Variants in SYNE4 observed in about 807,000 individuals in gnomAD.
SYNE4 encodes the protein spectrin repeat containing nuclear envelope family member 4, also known as nesprin-4.
Under a neutral mutation model 46.9 loss-of-function variants are expected in SYNE4, and 41 were observed. The ratio of observed to expected loss-of-function variants is 0.87; its 90% confidence interval spans 0.68 to 1.13. The LOEUF (loss-of-function observed/expected upper bound fraction) is 1.13, where lower values mean the gene tolerates loss of function less well. Among genes scored for constraint, SYNE4 ranks in the 50% most tolerant of loss-of-function variants. The pLI, the probability that SYNE4 is intolerant of heterozygous loss-of-function variation, is 0.00. For missense variants in SYNE4, 492 were observed against 514.8 expected, an observed-to-expected ratio of 0.96 and a Z score of 0.43; for synonymous variants, 221 against 219.5, an observed-to-expected ratio of 1.01 and a Z score of -0.06.
intron 6 of SYNE4, among the ~76,000 whole-genome samples, chr19:36,004,101 T>A (rs1331080601): frequency 6.6e-6 from 1 of 152,030 alleles, no homozygotes; most frequent in Non-Finnish European, 1.5e-5. Context: ...CCCAACCTCC[T>A]GGGCTCAGGT....
chr19:36,004,925 TG>T (rs1467534732), intron 6 of SYNE4, among the ~76,000 whole-genome samples: 1 of 138,790 alleles, frequency 7.2e-6, no homozygotes, highest in Non-Finnish European at 1.5e-5. Flanking sequence ...TTGCTCAGAC[TG>T]GAGTGCAGTG....
intron 5 of SYNE4, 55 bp downstream of exon 5, chr19:36,006,368 C>T (rs1413080738): frequency 1.3e-5 from 20 of 1,534,168 alleles, no homozygotes; most frequent in African/African-American, 6.9e-5. Context: ...AGAAGGTGCG[C>T]AGAGATGTCC....
Position 36,003,402 on chromosome 19 carries a change from G to C in SYNE4, c.1150C>G (p.His384Asp). 1 of 1,614,136 alleles carries C rather than the reference G, an allele frequency of 6.2e-7. No homozygotes were observed. Among genetic ancestry groups the C allele is most frequent in the Non-Finnish European group, 8.5e-7 (1 of 1,180,016 alleles). The change falls in exon 8 of 8, where the codon CAT (histidine) becomes GAT (aspartate). Residue 384 changes from histidine to aspartate, a missense_variant. Physicochemically the swap from His to Asp is moderately conservative, Grantham distance 81 (BLOSUM62 -1). Transcript: ENST00000324444. ...LPASGGPCCS[H>D]ARIPRTPYLV... ...TAGGGTGTCCTGGGTATTCGGGCAT[G>C]AGAGCAGCAGGGGCCTCCTGACGCG...
chr19:36,005,288 C>G (rs1465302293), intron 6 of SYNE4, 45 bp downstream of exon 6: 1 of 1,574,804 alleles, frequency 6.3e-7, no homozygotes, highest in Non-Finnish European at 8.7e-7. Flanking sequence ...CTGTCACTTG[C>G]CATCAAGATT....
chr19:36,007,705 C>CATCTCTA (rs1462271982), intron 2 of SYNE4: 2 of 489,202 alleles, frequency 4.1e-6, no homozygotes, highest in African/African-American at 4.2e-5. Flanking sequence ...GGTGAGACAT[C>CATCTCTA]ATCTCTACTT....
chr19:36,006,539 G>A lies in SYNE4; in HGVS notation c.751C>T (p.Pro251Ser). 1.2e-6 allele frequency: 2 copies of A among 1,607,164 alleles called. No individual in the cohort carries two copies. The highest frequency in any genetic ancestry group is 1.7e-6 in the Non-Finnish European group (2 of 1,176,704). The change falls in exon 5 of 8, where the codon CCG becomes TCG. Residue 251 changes from proline (P) to serine (S), a missense_variant. Physicochemically the swap from Pro to Ser is moderately conservative, Grantham distance 74. Coordinates refer to ENST00000324444, the MANE Select transcript of SYNE4 (RefSeq NM_001039876.3). Reference protein sequence around the residue: ...LPTSTELEWDPAGDIGGLGPL... With the variant: ...LPTSTELEWDSAGDIGGLGPL... ...CCAAGGCCCCCAATGTCCCCCGCCGGATCCCACTCCAACTCTGTGGAAGTG... is the reference window on the plus strand; with the variant it reads ...CCAAGGCCCCCAATGTCCCCCGCCGAATCCCACTCCAACTCTGTGGAAGTG...
At position 36,006,891 on chromosome 19, in the gene SYNE4, C is replaced by A; in HGVS notation, c.477G>T (p.Ala159=). 1 of 1,560,498 alleles carries A rather than the reference C, an allele frequency of 6.4e-7. No homozygotes were observed. The change falls in exon 4 of 8, where the codon GCG becomes GCT. Residue 159 remains alanine, a synonymous_variant. Transcript: ENST00000324444. ...GAAERVEALL[A]FGEGLAQRSE... Reference sequence around the variant, plus strand: ...TCCGCTGTGCCAGCCCCTCACCAAACGCTAGCAGCGCCTCCACACGCTCAG... The same window carrying A: ...TCCGCTGTGCCAGCCCCTCACCAAAAGCTAGCAGCGCCTCCACACGCTCAG...
chr19:36,007,558 A>T lies in SYNE4; in HGVS notation c.280-290T>A, dbSNP rs773935084. ...CGGGGCTGGGTACCCCCCAAGAAGAATGGGGCTACACCAGGAGCAATGATG... is the reference window on the plus strand; with the variant it reads ...CGGGGCTGGGTACCCCCCAAGAAGATTGGGGCTACACCAGGAGCAATGATG... On this transcript the variant is annotated intron_variant, in intron 2 of 7. Transcript: ENST00000324444. 300 of 985,002 alleles carry T rather than the reference A, an allele frequency of 3.0e-4. 1 individual carries two copies. The highest frequency in any genetic ancestry group is 3.5e-4 in the Non-Finnish European group (288 of 829,896). 61.0% of individuals were successfully genotyped at this position (985,002 alleles called of 1,614,324 possible).
Position 36,003,630 on chromosome 19 carries a change from C to T in SYNE4, c.1014G>A (p.Arg338=). The change falls in exon 7 of 8, where the codon AGG becomes AGA. Residue 338 remains arginine, a synonymous_variant. Transcript: ENST00000324444. ...CACCTCACCCTGGATTCCCCTCCAGCCTCACATCCTGGAGATGAGGAGATG... is the reference window on the plus strand; with the variant it reads ...CACCTCACCCTGGATTCCCCTCCAGTCTCACATCCTGGAGATGAGGAGATG... The part of the protein sequence containing the change: ...RQASPHLQDV[R]LEGNPGAPDP... 1 of 1,613,354 alleles carries T rather than the reference C, an allele frequency of 6.2e-7. No homozygotes were observed. Among genetic ancestry groups the T allele is most frequent in the Non-Finnish European group, 8.5e-7 (1 of 1,179,772 alleles).
rs1247576148 is a variant in SYNE4, at chr19:36,006,871, T to A, written c.497A>T (p.Gln166Leu). The A allele has an allele frequency of 1.3e-6, 2 of 1,573,860 alleles. No individual in the cohort carries two copies. Among genetic ancestry groups the A allele is most frequent in the African/African-American group, 2.7e-5 (2 of 74,342 alleles). The change falls in exon 4 of 8, where the codon CAG (glutamine) becomes CTG (leucine). Residue 166 changes from glutamine (Q) to leucine (L), a missense_variant. Physicochemically the swap from Gln to Leu is moderately radical, Grantham distance 113. Coordinates refer to ENST00000324444, the MANE Select transcript of SYNE4 (RefSeq NM_001039876.3). Reference sequence around the variant, plus strand: ...TGCCCAGGCCCTGGGCTCACTCCGCTGTGCCAGCCCCTCACCAAACGCTAG... The same window carrying A: ...TGCCCAGGCCCTGGGCTCACTCCGCAGTGCCAGCCCCTCACCAAACGCTAG... ...ALLAFGEGLAQRSEPRAWAAL... is the reference protein window; with the variant it reads ...ALLAFGEGLALRSEPRAWAAL...
intron 6 of SYNE4, among the ~76,000 whole-genome samples, chr19:36,004,868 T>TTTC (rs1568530431): frequency 1.2e-5 from 1 of 81,668 alleles, no homozygotes. Context: ...CTTTCTTTCT[T>TTTC]TTTTTTTTTT....
rs190054029 is a variant in SYNE4, at chr19:36,008,159, T to G, written c.279+58A>C. 3.0e-3 allele frequency: 4,649 copies of G among 1,544,634 alleles called. 177 individuals carry two copies. The Admixed American group carries it at 0.073, about 24-fold the overall frequency. On this transcript the variant is annotated intron_variant, in intron 2 of 7. Transcript: ENST00000324444. ...CCGGTCCTCAGTATGGAGGCCAGACTCCAGGGGACAGAGAGGAGGTGGGGC... is the reference window on the plus strand; with the variant it reads ...CCGGTCCTCAGTATGGAGGCCAGACGCCAGGGGACAGAGAGGAGGTGGGGC...
In SYNE4 at chr19:36,006,739, A is replaced by G; in HGVS notation, c.618+11T>C. ...CCTGGGTTGGGTGGGGGGTATCAAG[A>G]TGGGCCCTACCAGGCTGTAGCTGAC... On this transcript the variant is annotated intron_variant, in intron 4 of 7. Transcript: ENST00000324444. 6.2e-7 allele frequency: 1 copy of G among 1,600,118 alleles called. No homozygotes were observed. The highest frequency in any genetic ancestry group is 8.5e-7 in the Non-Finnish European group (1 of 1,172,192).
At chr19:36,004,854 A>ATTTC (rs1392945883) in intron 6 of SYNE4, among the ~76,000 whole-genome samples, 1,172 of 93,956 alleles carry the variant, frequency 0.012, 11 homozygotes, top group Non-Finnish European at 0.021. Flanking sequence ...CCCTGATGTT[A>ATTTC]TTTCTTTCTT....
At position 36,008,270 on chromosome 19, in the gene SYNE4, TC is replaced by T; in HGVS notation, c.225del (p.Arg76AspfsTer27). 2 of 1,607,318 alleles carry T rather than the reference TC, an allele frequency of 1.2e-6. No homozygotes were observed. Among genetic ancestry groups the T allele is most frequent in the Admixed American group, 3.4e-5 (2 of 59,202 alleles). Reference sequence around the variant, plus strand: ...TCGTAGGAAGAGGGTGTTGACCATCTCGGGGGGTGAGCGGCAGGCTCATTGC... The same window carrying T: ...TCGTAGGAAGAGGGTGTTGACCATCTGGGGGGTGAGCGGCAGGCTCATTGC... ...PRGNEPAAHP[P>X]RWSTPSSYED... On this transcript the variant is annotated frameshift_variant, in exon 2 of 8. Coordinates refer to ENST00000324444, the MANE Select transcript of SYNE4 (RefSeq NM_001039876.3). LOFTEE classifies it high-confidence loss of function.
intron 6 of SYNE4, 196 bp from the exon 7 acceptor site, chr19:36,003,867 C>T (rs1476373581): frequency 8.8e-6 from 2 of 227,548 alleles, no homozygotes; most frequent in Non-Finnish European, 1.5e-5. Context: ...CTACAGGTGC[C>T]ACCATGCCCA....
In SYNE4 at chr19:36,006,749, C is replaced by T. The variant is rs1976865905; in HGVS notation, c.618+1G>A. Reference sequence around the variant, plus strand: ...GTGGGGGGTATCAAGATGGGCCCTACCAGGCTGTAGCTGACCAGCTGGGCC... The same window carrying T: ...GTGGGGGGTATCAAGATGGGCCCTATCAGGCTGTAGCTGACCAGCTGGGCC... On this transcript the variant is annotated splice_donor_variant, in intron 4 of 7. Transcript: ENST00000324444. LOFTEE classifies it high-confidence loss of function. 6.2e-7 allele frequency: 1 copy of T among 1,606,554 alleles called. No homozygotes were observed.
At chr19:36,008,095 T>C in intron 2 of SYNE4, 122 bp downstream of exon 2, 12 of 1,282,494 alleles carry the variant, frequency 9.4e-6, no homozygotes, top group South Asian at 3.6e-5. Flanking sequence ...AGAAGGTCCC[T>C]CCCCCTACAG....
In SYNE4 at chr19:36,003,673, T is replaced by G; in HGVS notation, c.973-2A>C. 3 of 1,612,304 alleles carry G rather than the reference T, an allele frequency of 1.9e-6. No individual in the cohort carries two copies. The highest frequency in any genetic ancestry group is 2.5e-6 in the Non-Finnish European group (3 of 1,179,386). On this transcript the variant is annotated splice_acceptor_variant, in intron 6 of 7. Coordinates refer to ENST00000324444, the MANE Select transcript of SYNE4 (RefSeq NM_001039876.3). LOFTEE classifies it high-confidence loss of function. ...AGGAGATGCTTGCCTCTTCTTGTCCTAAGGAGGGAGAGCAGCCAGCAGCAG... is the reference window on the plus strand; with the variant it reads ...AGGAGATGCTTGCCTCTTCTTGTCCGAAGGAGGGAGAGCAGCCAGCAGCAG...
Sources: allele counts gnomAD v4.1 joint callset (sites outside exome capture counted in the v4.1 genomes callset), GRCh38; gene constraint gnomAD v4.1.1; transcripts MANE v1.5; gene names NCBI Gene and HGNC (gene_info 2026-07-23, HGNC 2026-07-21).